RAB23: variants seen among roughly 807,000 people sequenced by gnomAD.
RAB23 encodes RAB23, member RAS oncogene family.
Under a neutral mutation model 30.0 loss-of-function variants are expected in RAB23, and 15 were observed. The ratio of observed to expected loss-of-function variants is 0.50; its 90% CI spans 0.33 to 0.77. RAB23 has a LOEUF of 0.77. RAB23 is among the 30% of genes least tolerant of loss of function. The probability of loss-of-function intolerance (pLI) is 0.02; values close to 1 mark genes in which losing one functional copy is unlikely to be tolerated. For missense variants in RAB23, 243 were observed against 275.4 expected (o/e 0.88, Z 0.83); for synonymous variants, 93 against 94.0 (o/e 0.99, Z 0.06).
At chr6:57,210,103 C>A in intron 2 of RAB23, 123 bp downstream of exon 2, 1 of 992,332 alleles carries the variant, frequency 1.0e-6, no homozygotes, top group Non-Finnish European at 1.6e-6. Flanking sequence ...ATCACTGTCG[C>A]ATGAGCATTG....
intron 3 of RAB23, among the ~76,000 whole-genome samples, chr6:57,198,254 T>TA (rs930134132): frequency 2.6e-5 from 4 of 151,928 alleles, no homozygotes; most frequent in Non-Finnish European, 5.9e-5. Context: ...CAACTACAAA[T>TA]AAAAAAAATT....
At chr6:57,198,679 TA>T (rs200709921) in intron 3 of RAB23, among the ~76,000 whole-genome samples, 499 of 138,416 alleles carry the variant, frequency 3.6e-3, no homozygotes, top group Middle Eastern at 0.011. Context: ...AGACTCTGTC[TA>T]AAAAAAAAAA....
rs1247021203 is a variant in RAB23, at chr6:57,189,313, CAAAA to C, written c.*1144_*1147del. 3 of 152,074 alleles carry C rather than the reference CAAAA, an allele frequency of 2.0e-5. No homozygotes were observed. The highest frequency in any genetic ancestry group is 4.8e-5 in the African/African-American group (2 of 41,400). 9.4% of individuals were successfully genotyped at this position (152,074 alleles called of 1,614,324 possible). ...AAAATACCATACAAAAATGTGTAAA[CAAAA>C]GGATGGTTTAGAGTTGCAGGGCATT... On this transcript the variant is annotated 3_prime_UTR_variant, in exon 7 of 7. Transcript: ENST00000468148.
At chr6:57,212,696 C>CTGGT (rs1158773705) in intron 1 of RAB23, among the ~76,000 whole-genome samples, 2 of 149,360 alleles carry the variant, frequency 1.3e-5, no homozygotes, top group Non-Finnish European at 3.0e-5. Context: ...AGCCTGGGCA[C>CTGGT]CATGTGAGTC....
intron 2 of RAB23, among the ~76,000 whole-genome samples, chr6:57,208,384 C>T (rs974679857): frequency 1.3e-5 from 2 of 152,026 alleles, no homozygotes; most frequent in Non-Finnish European, 2.9e-5. Context: ...CGGTGGCTCA[C>T]GCCTGTAATC....
chr6:57,215,705 A>C (rs1765811539), intron 1 of RAB23, among the ~76,000 whole-genome samples: 1 of 152,248 alleles, frequency 6.6e-6, no homozygotes, highest in Admixed American at 6.5e-5. Context: ...GTGTCAGAAC[A>C]AAAGAAAGAA....
intron 3 of RAB23, among the ~76,000 whole-genome samples, chr6:57,206,241 G>A (rs547102691): frequency 6.6e-6 from 1 of 152,176 alleles, no homozygotes; most frequent in African/African-American, 2.4e-5. Flanking sequence ...AGCTGAAGAA[G>A]GAAAGAAGTA....
chr6:57,193,934 A>C lies in RAB23; in HGVS notation c.482T>G (p.Val161Gly), dbSNP rs1470037704. 2 of 1,611,146 alleles carry C rather than the reference A, an allele frequency of 1.2e-6. No homozygotes were observed. The highest frequency in any genetic ancestry group is 1.7e-6 in the Non-Finnish European group (2 of 1,178,358). The change falls in exon 6 of 7, where the codon GTT (valine) becomes GGT (glycine). Residue 161 changes from valine (V) to glycine (G), a missense_variant and splice_region_variant. Val to Gly is a moderately radical substitution (Grantham distance 109). Coordinates refer to ENST00000468148, the MANE Select transcript of RAB23 (RefSeq NM_016277.5). ...GTATTTTTCAGCCAAATACTTAAAAACTAGAATAAAAAGAAAACACCCAGA... is the reference window on the plus strand; with the variant it reads ...GTATTTTTCAGCCAAATACTTAAAACCTAGAATAAAAAGAAAACACCCAGA... ...SVKEDLNVNE[V>G]FKYLAEKYLQ...
At chr6:57,217,726 C>CA (rs374472444) in intron 1 of RAB23, among the ~76,000 whole-genome samples, 51 of 146,348 alleles carry the variant, frequency 3.5e-4, no homozygotes, top group Non-Finnish European at 3.9e-4. Context: ...CCAAAGCAAG[C>CA]AAAAAAAAAG....
intron 3 of RAB23, among the ~76,000 whole-genome samples, chr6:57,201,824 A>G (rs1366037791): frequency 2.6e-5 from 4 of 152,214 alleles, no homozygotes; most frequent in Admixed American, 6.5e-5. Flanking sequence ...ATCTTTCTGT[A>G]CTAACTAAAA....
At chr6:57,205,108 ACT>A (rs1046926238) in intron 3 of RAB23, among the ~76,000 whole-genome samples, 4 of 149,704 alleles carry the variant, frequency 2.7e-5, no homozygotes, top group Non-Finnish European at 5.9e-5. Flanking sequence ...ATATATATAC[ACT>A]GTGTGTATAT....
chr6:57,216,913 C>G (rs957512898), intron 1 of RAB23, among the ~76,000 whole-genome samples: 2 of 152,112 alleles, frequency 1.3e-5, no homozygotes, highest in Non-Finnish European at 2.9e-5. Context: ...ATATAATGAG[C>G]AGTGAGGACA....
chr6:57,197,340 C>T (rs1290840381), intron 3 of RAB23, among the ~76,000 whole-genome samples: 1 of 152,046 alleles, frequency 6.6e-6, no homozygotes, highest in African/African-American at 2.4e-5. Flanking sequence ...TCATTTTAGG[C>T]TGATAATATC....
rs1172543748 is a variant in RAB23, at chr6:57,188,122, A to AAAG, written c.*2336_*2338dup. Reference sequence around the variant, plus strand: ...ATGCACAATCACCTGGAATCTTGGAAAAGTTTTTCTTTAGTATACATGGTT... The same window carrying AAAG: ...ATGCACAATCACCTGGAATCTTGGAAAAGAAGTTTTTCTTTAGTATACATGGTT... On this transcript the variant is annotated 3_prime_UTR_variant, in exon 7 of 7. Transcript: ENST00000468148. 2.0e-5 allele frequency: 3 copies of AAAG among 152,208 alleles called. No individual in the cohort carries two copies. Among genetic ancestry groups the AAAG allele is most frequent in the Non-Finnish European group, 2.9e-5 (2 of 68,022 alleles). The allele number at this position is 152,208 out of a possible 1,614,324, so 9.4% of individuals were successfully genotyped here. A position where few individuals can be genotyped will look rare whatever the true frequency, so the allele number is the denominator to read the frequency against.
intron 3 of RAB23, among the ~76,000 whole-genome samples, chr6:57,200,706 T>C (rs1483391400): frequency 6.6e-6 from 1 of 152,100 alleles, no homozygotes; most frequent in Non-Finnish European, 1.5e-5. Context: ...CTGTTACGTA[T>C]TTCCAGCAAC....
rs779630437 is a variant in RAB23, at chr6:57,221,753, C to G, written c.-93G>C. ...CTGGGAGCTGGGAGGGGGCGCCGGG[C>G]TGGCGCTGCCGCCCACCTTCTCTAG... On this transcript the variant is annotated 5_prime_UTR_variant, in exon 1 of 7. Transcript: ENST00000468148. The G allele has an allele frequency of 6.6e-6, 1 of 152,332 alleles. No homozygotes were observed. Among genetic ancestry groups the G allele is most frequent in the South Asian group, 2.1e-4 (1 of 4,836 alleles). The allele number at this position is 152,332 out of a possible 1,614,324, so 9.4% of individuals were successfully genotyped here. A position where few individuals can be genotyped will look rare whatever the true frequency, so the allele number is the denominator to read the frequency against.
intron 4 of RAB23, among the ~76,000 whole-genome samples, chr6:57,195,053 A>G (rs920745421): frequency 3.3e-5 from 5 of 152,170 alleles, no homozygotes; most frequent in African/African-American, 9.7e-5. Flanking sequence ...GTTGAAAGCT[A>G]TGTTTTCATT....
At chr6:57,217,361 G>C (rs1464554071) in intron 1 of RAB23, among the ~76,000 whole-genome samples, 1 of 152,138 alleles carries the variant, frequency 6.6e-6, no homozygotes. Flanking sequence ...GTCCAGGCTG[G>C]AGTGCAGTGG....
At chr6:57,197,210 A>G (rs1184041220) in intron 3 of RAB23, among the ~76,000 whole-genome samples, 1 of 152,118 alleles carries the variant, frequency 6.6e-6, no homozygotes, top group Non-Finnish European at 1.5e-5. Context: ...TTGAAAGCCA[A>G]TGCCAAGAGT....
Sources: gnomAD v4.1 joint callset for allele counts (sites outside exome capture counted in the v4.1 genomes callset) on GRCh38, gnomAD v4.1.1 for gene constraint, MANE v1.5 for transcripts, NCBI Gene and HGNC (gene_info 2026-07-23, HGNC 2026-07-21) for gene names.